Variants in HMBOX1 observed in about 807,000 individuals in gnomAD.
The protein encoded by HMBOX1 is homeobox containing 1.
HMBOX1 carries 14 observed loss-of-function variants against 54.5 expected under a neutral mutation model. That is an observed-to-expected ratio of 0.26 (90% CI 0.17 to 0.40). HMBOX1 has a LOEUF of 0.40. HMBOX1 is among the 10% of genes least tolerant of loss of function. The pLI is 1.00. For missense variants in HMBOX1, 332 were observed against 514.4 expected (o/e 0.65, Z 3.43); for synonymous variants, 160 against 181.0 (o/e 0.88, Z 0.93).
intron 5 of HMBOX1, among the ~76,000 whole-genome samples, chr8:29,014,326 C>A (rs1278399329): frequency 6.6e-6 from 1 of 152,098 alleles, no homozygotes; most frequent in African/African-American, 2.4e-5. Flanking sequence ...GGACCTTAGC[C>A]AACCCAGAAT....
At chr8:28,944,189 T>C (rs1417341825) in intron 1 of HMBOX1, among the ~76,000 whole-genome samples, 3 of 152,226 alleles carry the variant, frequency 2.0e-5, no homozygotes, top group Non-Finnish European at 4.4e-5. Context: ...CCCTTGATGT[T>C]TTTTAGTCAC....
At chr8:28,937,292 T>A (rs1820578396) in intron 1 of HMBOX1, among the ~76,000 whole-genome samples, 1 of 152,222 alleles carries the variant, frequency 6.6e-6, no homozygotes. Context: ...TGTTTATTCC[T>A]AATCTCTGTT....
chr8:28,977,706 T>C lies in HMBOX1; in HGVS notation c.501-2365T>C, dbSNP rs529807982. On this transcript the variant is annotated intron_variant, in intron 3 of 9. Coordinates refer to ENST00000287701, the MANE Select transcript of HMBOX1 (RefSeq NM_001135726.3). The stretch of plus-strand genomic sequence containing the variant: ...CTGTAATCCCAGCACTTTGGGAGTC[T>C]GAGATGGGTGGATCACGAGGTCAGG... 2.0e-5 allele frequency among the ~76,000 whole-genome samples: 3 copies of C among 152,092 alleles called. No individual in the cohort carries two copies. The South Asian group carries it at 6.2e-4, about 32-fold the overall frequency.
intron 6 of HMBOX1, among the ~76,000 whole-genome samples, chr8:29,021,897 A>G (rs1355858042): frequency 6.6e-6 from 1 of 151,676 alleles, no homozygotes; most frequent in Non-Finnish European, 1.5e-5. Context: ...AATTGATAGT[A>G]AGAGAAATTC....
chr8:28,963,502 T>C (rs1825947015), intron 1 of HMBOX1, among the ~76,000 whole-genome samples: 1 of 152,222 alleles, frequency 6.6e-6, no homozygotes, highest in South Asian at 2.1e-4. Flanking sequence ...TTTGTCTAAT[T>C]TATAATCTTA....
At chr8:29,032,917 A>G (rs1803234056) in intron 6 of HMBOX1, among the ~76,000 whole-genome samples, 1 of 150,774 alleles carries the variant, frequency 6.6e-6, no homozygotes, top group African/African-American at 2.4e-5. Flanking sequence ...AATCAATTCG[A>G]TGATTGATAA....
chr8:28,980,040 C>T, intron 3 of HMBOX1, 31 bp from the exon 4 acceptor site: 1 of 1,471,664 alleles, frequency 6.8e-7, no homozygotes, highest in Non-Finnish European at 9.5e-7. Context: ...CTTCAACATA[C>T]ATTGTTGGTC....
At chr8:29,024,730 G>C (rs941481571) in intron 6 of HMBOX1, among the ~76,000 whole-genome samples, 1 of 152,086 alleles carries the variant, frequency 6.6e-6, no homozygotes, top group East Asian at 1.9e-4. Flanking sequence ...CTGTAGGTAT[G>C]TTATTATTTG....
intron 1 of HMBOX1, among the ~76,000 whole-genome samples, chr8:28,905,351 G>A (rs969672936): frequency 1.3e-5 from 2 of 151,478 alleles, no homozygotes; most frequent in Non-Finnish European, 2.9e-5. Context: ...GCACACACAC[G>A]CACGCACACA....
intron 4 of HMBOX1, among the ~76,000 whole-genome samples, chr8:29,007,092 C>A (rs1348661591): frequency 6.6e-6 from 1 of 151,656 alleles, no homozygotes; most frequent in African/African-American, 2.4e-5. Context: ...AGTTCGAGAC[C>A]AGCCTGGCCA....
intron 1 of HMBOX1, among the ~76,000 whole-genome samples, chr8:28,912,964 C>T (rs759151538): frequency 5.9e-5 from 9 of 152,170 alleles, no homozygotes; most frequent in Non-Finnish European, 1.2e-4. Flanking sequence ...CGATCAAACA[C>T]CTATTCAAGC....
chr8:29,024,666 G>A (rs1405670681), intron 6 of HMBOX1, among the ~76,000 whole-genome samples: 7 of 152,114 alleles, frequency 4.6e-5, no homozygotes, highest in Non-Finnish European at 1.0e-4. Flanking sequence ...TACAGTTACT[G>A]ATTTTATTGA....
intron 4 of HMBOX1, among the ~76,000 whole-genome samples, chr8:29,007,002 G>A (rs1246320466): frequency 2.0e-5 from 3 of 152,114 alleles, no homozygotes; most frequent in African/African-American, 7.2e-5. Context: ...TAAAAATGCA[G>A]TATAGGCTGG....
At chr8:28,920,380 TA>T (rs1254773230) in intron 1 of HMBOX1, among the ~76,000 whole-genome samples, 1 of 152,134 alleles carries the variant, frequency 6.6e-6, no homozygotes, top group Non-Finnish European at 1.5e-5. Context: ...GCTTATAAAT[TA>T]AAACCCTAGG....
intron 4 of HMBOX1, among the ~76,000 whole-genome samples, chr8:29,003,812 G>A (rs1431994140): frequency 6.6e-6 from 1 of 151,782 alleles, no homozygotes; most frequent in Non-Finnish European, 1.5e-5. Context: ...GATGATAGCA[G>A]TTCTGAAGTA....
At chr8:28,913,782 T>G (rs1815945473) in intron 1 of HMBOX1, among the ~76,000 whole-genome samples, 1 of 151,948 alleles carries the variant, frequency 6.6e-6, no homozygotes, top group Non-Finnish European at 1.5e-5. Flanking sequence ...AGACAAAGTC[T>G]CACTCTGTCG....
At chr8:28,944,222 G>A (rs1295598709) in intron 1 of HMBOX1, among the ~76,000 whole-genome samples, 1 of 152,116 alleles carries the variant, frequency 6.6e-6, no homozygotes, top group Non-Finnish European at 1.5e-5. Context: ...CATGAGATTC[G>A]AATACTGCAT....
At chr8:28,994,590 A>G (rs1831512910) in intron 4 of HMBOX1, among the ~76,000 whole-genome samples, 1 of 152,192 alleles carries the variant, frequency 6.6e-6, no homozygotes, top group African/African-American at 2.4e-5. Context: ...TAAGCAATAC[A>G]TAAGACCCCA....
At chr8:28,988,461 TG>T (rs1341650162) in intron 4 of HMBOX1, among the ~76,000 whole-genome samples, 1 of 152,184 alleles carries the variant, frequency 6.6e-6, no homozygotes, top group East Asian at 1.9e-4. Flanking sequence ...AGTGGGATTG[TG>T]GGGTTGTTGG....
Sources: allele counts gnomAD v4.1 joint callset (sites outside exome capture counted in the v4.1 genomes callset), GRCh38; gene constraint gnomAD v4.1.1; transcripts MANE v1.5; gene names NCBI Gene and HGNC (gene_info 2026-07-23, HGNC 2026-07-21).